Variants in SYNE2 observed in about 807,000 individuals in gnomAD.
SYNE2 encodes nesprin-2.
SYNE2 carries 431 observed loss-of-function variants against 856.3 expected under a neutral mutation model. That is an observed-to-expected ratio of 0.50 (90% confidence interval 0.47 to 0.55). The LOEUF is 0.55. Among genes scored for constraint, SYNE2 ranks in the 20% least tolerant of loss-of-function variants. The probability of loss-of-function intolerance (pLI) is 0.00; values close to 1 mark genes in which losing one functional copy is unlikely to be tolerated. For missense variants in SYNE2, 8,129 were observed against 8,023.2 expected (o/e 1.01, Z -0.50); for synonymous variants, 2,923 against 2,872.3 (o/e 1.02, Z -0.56).
chr14:64,092,099 T>C (rs1322497446), intron 60 of SYNE2, among the ~76,000 whole-genome samples: 8 of 152,258 alleles, frequency 5.3e-5, no homozygotes, highest in Middle Eastern at 3.4e-3. Context: ...CTTGTAATAA[T>C]ATAAAGAGAA....
chr14:64,077,999 A>G (rs2097482401), intron 54 of SYNE2, among the ~76,000 whole-genome samples: 2 of 152,226 alleles, frequency 1.3e-5, no homozygotes, highest in South Asian at 4.1e-4. Flanking sequence ...GATTGGAATT[A>G]CATTTTTTTA....
chr14:64,165,451 C>G, intron 90 of SYNE2, 41 bp downstream of exon 90: 1 of 1,602,782 alleles, frequency 6.2e-7, no homozygotes, highest in African/African-American at 1.3e-5. Flanking sequence ...TTAGACTCAC[C>G]ATAAGGTTAA....
intron 92 of SYNE2, 58 bp downstream of exon 92, chr14:64,167,697 A>C: frequency 6.2e-7 from 1 of 1,611,504 alleles, no homozygotes; most frequent in East Asian, 2.2e-5. Flanking sequence ...AGTCAGGGAA[A>C]GATAGCTTTA....
intron 99 of SYNE2, among the ~76,000 whole-genome samples, chr14:64,199,477 G>A (rs2098552538): frequency 6.6e-6 from 1 of 152,084 alleles, no homozygotes; most frequent in African/African-American, 2.4e-5. Context: ...TAGCGCTTTG[G>A]GAGGTTGAGG....
At chr14:63,809,287 C>T (rs939376137) in intron 1 of SYNE2, among the ~76,000 whole-genome samples, 1 of 151,086 alleles carries the variant, frequency 6.6e-6, no homozygotes, top group Admixed American at 6.6e-5. Flanking sequence ...ATGCCATGTG[C>T]CTCATGTTGT....
At chr14:63,996,839 T>C in intron 23 of SYNE2, 108 bp from the exon 24 acceptor site, 1 of 1,061,344 alleles carries the variant, frequency 9.4e-7, no homozygotes, top group Non-Finnish European at 1.4e-6. Flanking sequence ...AGATGGCCTA[T>C]ACAAGAACAC....
At chr14:63,869,135 C>T (rs553205616) in intron 1 of SYNE2, among the ~76,000 whole-genome samples, 1 of 152,308 alleles carries the variant, frequency 6.6e-6, no homozygotes, top group Admixed American at 6.5e-5. Flanking sequence ...AGAGCTATTC[C>T]CTCCTCATAG....
chr14:63,797,740 C>G (rs115005660), intron 1 of SYNE2, among the ~76,000 whole-genome samples: 1 of 152,196 alleles, frequency 6.6e-6, no homozygotes, highest in Non-Finnish European at 1.5e-5. Flanking sequence ...CCACGCCCAG[C>G]CAGATGTAAT....
In SYNE2 at chr14:64,119,610, G is replaced by T; in HGVS notation, c.13023+1G>T. ...TCAGGAGAAGCACAGTGAAGATCAG[G>T]TAAAAAATGACTATCTATGGACATT... On this transcript the variant is annotated splice_donor_variant, in intron 67 of 115. Transcript: ENST00000555002. LOFTEE classifies it high-confidence loss of function. The T allele has an allele frequency of 6.2e-7, 1 of 1,613,906 alleles. No individual in the cohort carries two copies. The highest frequency in any genetic ancestry group is 8.5e-7 in the Non-Finnish European group (1 of 1,179,906).
intron 1 of SYNE2, among the ~76,000 whole-genome samples, chr14:63,801,433 A>G (rs1888123069): frequency 6.6e-6 from 1 of 152,226 alleles, no homozygotes; most frequent in Non-Finnish European, 1.5e-5. Context: ...GCACTTCAGA[A>G]GGCTGAGGCA....
At chr14:64,116,498 A>G (rs561949775) in intron 66 of SYNE2, among the ~76,000 whole-genome samples, 21 of 152,100 alleles carry the variant, frequency 1.4e-4, no homozygotes, top group Non-Finnish European at 2.8e-4. Context: ...GCACACTGCA[A>G]CTTCTGCCTC....
Position 64,209,327 on chromosome 14 carries a change from G to A in SYNE2, c.18390-101G>A, listed in dbSNP as rs1227414167. The A allele has an allele frequency of 3.8e-5, 60 of 1,578,954 alleles. 1 individual carries two copies. In the Admixed American group the frequency reaches 9.9e-4, roughly 26 times the overall value. ...TCTTATTTCCCAGAAGGGGTAACAG[G>A]GTCTCCCCCACTAAACCGTGCGGGT... is the stretch of plus-strand genomic sequence containing the variant. On this transcript the variant is annotated intron_variant, in intron 101 of 115. Transcript: ENST00000555002.
chr14:64,127,216 A>G (rs576716516), intron 73 of SYNE2, among the ~76,000 whole-genome samples: 1 of 152,124 alleles, frequency 6.6e-6, no homozygotes, highest in South Asian at 2.1e-4. Context: ...AGCTGAGATC[A>G]CACGACTGCA....
rs376992714 is a variant in SYNE2, at chr14:64,173,877, C to T, written c.17236-1067C>T. The T allele has an allele frequency of 7.0e-5, 46 of 655,848 alleles. No homozygotes were observed. The Middle Eastern group carries it at 2.0e-3, about 28-fold the overall frequency. The allele number at this position is 655,848 out of a possible 1,614,324, so 40.6% of individuals were successfully genotyped here. ...TTACTTTATTTTTGTATTATAAATA[C>T]CTAGTTTCAATCTCTTTAAAGAACG... is the stretch of plus-strand genomic sequence containing the variant. On this transcript the variant is annotated intron_variant, in intron 94 of 115. Coordinates refer to ENST00000555002, the MANE Select transcript of SYNE2 (RefSeq NM_182914.3).
chr14:64,115,484 G>A (rs539419206), intron 66 of SYNE2, among the ~76,000 whole-genome samples: 1 of 152,196 alleles, frequency 6.6e-6, no homozygotes, highest in African/African-American at 2.4e-5. Flanking sequence ...AGAGAGCGCC[G>A]AAGGGCAGCA....
At chr14:64,172,121 G>A (rs1032504787) in intron 94 of SYNE2, among the ~76,000 whole-genome samples, 1 of 152,236 alleles carries the variant, frequency 6.6e-6, no homozygotes, top group African/African-American at 2.4e-5. Context: ...AAAGTGCTGG[G>A]ATTACAGGCG....
At chr14:64,072,323 A>G (rs1037644751) in intron 52 of SYNE2, among the ~76,000 whole-genome samples, 2 of 152,126 alleles carry the variant, frequency 1.3e-5, no homozygotes, top group African/African-American at 2.4e-5. Context: ...TTCTGACACC[A>G]TGTTGGTTAT....
At position 64,143,824 on chromosome 14, in the gene SYNE2, A is replaced by C. The variant is rs1344860139; in HGVS notation, c.15359A>C (p.Gln5120Pro). 6.2e-7 allele frequency: 1 copy of C among 1,614,240 alleles called. No individual in the cohort carries two copies. The highest frequency in any genetic ancestry group is 1.1e-5 in the South Asian group (1 of 91,088). ...YKQWIVDFVN[Q>P]SLLQLSTCDV... The stretch of plus-strand genomic sequence containing the variant: ...CAGTGGATAGTTGACTTCGTTAACC[A>C]GTCATTACTTCAGCTAAGCACCTGT... Residue 5120 changes from glutamine (Q) to proline (P), a missense_variant, in exon 83 of 116, where the codon CAG becomes CCG. Around this residue, in one of 3 missense-constraint regions of SYNE2, gnomAD observed 5,410 missense variants for 5,284.8 expected, o/e 1.02. Coordinates refer to ENST00000555002, the MANE Select transcript of SYNE2 (RefSeq NM_182914.3).
intron 2 of SYNE2, among the ~76,000 whole-genome samples, chr14:63,935,740 G>A (rs1464362098): frequency 2.0e-5 from 3 of 152,204 alleles, no homozygotes; most frequent in Admixed American, 2.0e-4. Context: ...TAGGTTGAGT[G>A]TGGTGGCTCA....
Sources: allele counts gnomAD v4.1 joint callset (sites outside exome capture counted in the v4.1 genomes callset), GRCh38; gene constraint gnomAD v4.1.1; regional missense constraint gnomAD v4.1.1; transcripts MANE v1.5; gene names NCBI Gene and HGNC (gene_info 2026-07-23, HGNC 2026-07-21).